The following MED27 variants were observed in gnomAD, a reference collection of about 807,000 sequenced individuals.
The protein encoded by MED27 is mediator complex subunit 27.
MED27 carries 30 observed loss-of-function variants against 38.2 expected under a neutral mutation model. The observed-to-expected ratio is 0.79, with a 90% CI of 0.59 to 1.07. The LOEUF is 1.07. MED27 is among the 50% of genes least tolerant of loss of function. The pLI, the probability that MED27 is intolerant of heterozygous loss-of-function variation, is 0.00. For missense variants in MED27, 289 were observed against 397.5 expected, an observed-to-expected ratio of 0.73 and a Z score of 2.32; for synonymous variants, 122 against 153.5, an observed-to-expected ratio of 0.79 and a Z score of 1.52.
At chr9:131,943,985 C>T (rs965962108) in intron 3 of MED27, among the ~76,000 whole-genome samples, 1 of 152,068 alleles carries the variant, frequency 6.6e-6, no homozygotes, top group Non-Finnish European at 1.5e-5. Context: ...CTGCCCTTTG[C>T]CCTAGCTGCG....
intron 2 of MED27, among the ~76,000 whole-genome samples, chr9:132,071,527 T>TG (rs1303314132): frequency 2.0e-5 from 3 of 149,698 alleles, no homozygotes; most frequent in Non-Finnish European, 3.0e-5. Context: ...CACACACACA[T>TG]GCGAGTAACA....
chr9:131,942,872 G>A (rs919709536), intron 3 of MED27, among the ~76,000 whole-genome samples: 1 of 152,262 alleles, frequency 6.6e-6, no homozygotes, highest in Middle Eastern at 3.4e-3. Context: ...GCAAACAAAT[G>A]TTCCTGGCCA....
rs1830306322 is a variant in MED27 at position 131,917,165 on chromosome 9, T to C, written c.573+22216A>G. ...CAGGGAGCTATTGGCATTTAGCAGA[T>C]TGGAGCCAGGAATGCTAAACCTTCT... On this transcript the variant is annotated intron_variant, in intron 4 of 7. Coordinates refer to ENST00000292035, the MANE Select transcript of MED27 (RefSeq NM_004269.4). This position sits in a 1 kb window ranked among gnomAD's most constrained non-coding sequence, Gnocchi z 4.6. Among the ~76,000 whole-genome samples the C allele has an allele frequency of 6.6e-6, 1 of 152,142 alleles. No individual in the cohort carries two copies. The highest frequency in any genetic ancestry group is 1.9e-4 in the East Asian group (1 of 5,188).
intron 3 of MED27, among the ~76,000 whole-genome samples, chr9:131,972,024 C>T (rs1008825792): frequency 1.3e-5 from 2 of 151,474 alleles, no homozygotes; most frequent in African/African-American, 4.8e-5. Flanking sequence ...TACTCTCTCT[C>T]AAAAAAAAAT....
At chr9:131,881,410 A>G (rs926498926) in intron 6 of MED27, among the ~76,000 whole-genome samples, 2 of 152,130 alleles carry the variant, frequency 1.3e-5, no homozygotes, top group African/African-American at 4.8e-5. Flanking sequence ...CCCAGGGACC[A>G]GGGAGGAAGA....
intron 2 of MED27, among the ~76,000 whole-genome samples, chr9:132,021,761 T>C (rs929508900): frequency 6.6e-6 from 1 of 152,186 alleles, no homozygotes; most frequent in Non-Finnish European, 1.5e-5. Flanking sequence ...CAGGTTTAGA[T>C]AAGGTCATGA....
chr9:132,040,509 G>A (rs1347835620), intron 2 of MED27, among the ~76,000 whole-genome samples: 1 of 152,178 alleles, frequency 6.6e-6, no homozygotes, highest in African/African-American at 2.4e-5. Context: ...TCACGAGAAA[G>A]CTATAAATAG....
chr9:132,037,456 A>C (rs182661833), intron 2 of MED27, among the ~76,000 whole-genome samples: 1 of 152,296 alleles, frequency 6.6e-6, no homozygotes, highest in Non-Finnish European at 1.5e-5. Flanking sequence ...TACACAACAG[A>C]AGAGTAATCT....
chr9:131,861,006 T>C lies in MED27; in HGVS notation c.802-334A>G, dbSNP rs1422909591. On this transcript the variant is annotated intron_variant, in intron 7 of 7. Transcript: ENST00000292035. This position sits in a 1 kb window ranked among gnomAD's most constrained non-coding sequence, Gnocchi z 4.4. Reference sequence around the variant, plus strand: ...CCCCACTTTCACTTTCTGGGTCCCATGTCTTCTGAATGTCAGTATCCATCC... The same window carrying C: ...CCCCACTTTCACTTTCTGGGTCCCACGTCTTCTGAATGTCAGTATCCATCC... Among the ~76,000 whole-genome samples, 3 of 152,122 alleles carry C rather than the reference T, an allele frequency of 2.0e-5. No homozygotes were observed. The highest frequency in any genetic ancestry group is 7.2e-5 in the African/African-American group (3 of 41,418).
intron 2 of MED27, among the ~76,000 whole-genome samples, chr9:132,029,820 C>T (rs1832913228): frequency 6.6e-6 from 1 of 150,924 alleles, no homozygotes; most frequent in African/African-American, 2.4e-5. Context: ...CTGAAATAGG[C>T]CTGTGAGCTG....
intron 3 of MED27, among the ~76,000 whole-genome samples, chr9:131,981,288 C>T (rs1224601382): frequency 6.6e-6 from 1 of 152,154 alleles, no homozygotes; most frequent in Admixed American, 6.5e-5. Context: ...AAATCATATC[C>T]TTCTGATTTT....
At chr9:131,995,386 A>C (rs1484677514) in intron 3 of MED27, among the ~76,000 whole-genome samples, 1 of 152,098 alleles carries the variant, frequency 6.6e-6, no homozygotes, top group Non-Finnish European at 1.5e-5. Context: ...ATTAAAGCTG[A>C]TCTAGTTGCT....
At chr9:131,881,957 T>C (rs917662683) in intron 6 of MED27, among the ~76,000 whole-genome samples, 2 of 151,998 alleles carry the variant, frequency 1.3e-5, no homozygotes, top group African/African-American at 4.8e-5. Flanking sequence ...GGTTTCACCA[T>C]GTTGGCCAGG....
At chr9:131,909,358 C>A (rs1476672683) in intron 4 of MED27, among the ~76,000 whole-genome samples, 1 of 152,142 alleles carries the variant, frequency 6.6e-6, no homozygotes, top group Non-Finnish European at 1.5e-5. Flanking sequence ...TTCAAGGTAG[C>A]CTGAGTGAAT....
intron 4 of MED27, among the ~76,000 whole-genome samples, chr9:131,900,198 T>A (rs1284640119): frequency 1.3e-5 from 2 of 152,210 alleles, no homozygotes; most frequent in Non-Finnish European, 2.9e-5. Flanking sequence ...CTCCCAGAAG[T>A]GCATTTATAA....
chr9:131,950,302 A>G (rs983099596), intron 3 of MED27, among the ~76,000 whole-genome samples: 4 of 152,236 alleles, frequency 2.6e-5, no homozygotes, highest in Non-Finnish European at 4.4e-5. Context: ...AACAATTCAC[A>G]TGGAGTTAAA....
intron 4 of MED27, among the ~76,000 whole-genome samples, chr9:131,928,345 C>G (rs761822125): frequency 2.6e-5 from 4 of 152,120 alleles, no homozygotes; most frequent in Non-Finnish European, 5.9e-5. Flanking sequence ...GACCATCCCC[C>G]CTGCAGGAAC....
intron 4 of MED27, among the ~76,000 whole-genome samples, chr9:131,901,420 G>C (rs746322239): frequency 6.6e-6 from 1 of 152,212 alleles, no homozygotes; most frequent in Non-Finnish European, 1.5e-5. Flanking sequence ...GGGAGGTTAA[G>C]AAGTATCAAA....
intron 4 of MED27, among the ~76,000 whole-genome samples, chr9:131,922,331 G>A (rs1445601933): frequency 6.6e-6 from 1 of 151,922 alleles, no homozygotes; most frequent in East Asian, 1.9e-4. Flanking sequence ...GTGGACTCAA[G>A]GATTACTACT....
Sources: gnomAD v4.1 joint callset for allele counts (sites outside exome capture counted in the v4.1 genomes callset) on GRCh38, gnomAD v4.1.1 for gene constraint, Gnocchi (gnomAD v3.1) non-coding constraint, MANE v1.5 for transcripts, NCBI Gene and HGNC (gene_info 2026-07-23, HGNC 2026-07-21) for gene names.